FAM53B: variants seen among roughly 807,000 people sequenced by gnomAD.
FAM53B encodes the protein family with sequence similarity 53 member B.
Under a neutral mutation model 32.7 loss-of-function variants are expected in FAM53B, and 12 were observed. That is an observed-to-expected ratio of 0.37 (90% CI 0.24 to 0.59). The LOEUF is 0.59. Ranked by LOEUF, FAM53B falls within the 20% of genes least tolerant of loss-of-function variation. The pLI is 0.72. For synonymous variants in FAM53B, 234 were observed against 228.7 expected, an observed-to-expected ratio of 1.02 and a Z score of -0.21; for missense variants, 477 against 577.7, an observed-to-expected ratio of 0.83 and a Z score of 1.79.
chr10:124,623,518 G>C lies in FAM53B; in HGVS notation c.993C>G (p.Ser331Arg). ...GCAGGGCGGTCCAGGCCCTGGTGTTGCTGACGTGGCGGGCGAAGGGGCTCT... is the reference window on the plus strand; with the variant it reads ...GCAGGGCGGTCCAGGCCCTGGTGTTCCTGACGTGGCGGGCGAAGGGGCTCT... ...GPQSPFARHV[S>R]NTRAWTALLS... The change falls in exon 5 of 5, where the codon AGC becomes AGG. Residue 331 changes from serine (S) to arginine (R), a missense_variant. Transcript: ENST00000337318. 2 of 1,595,160 alleles carry C rather than the reference G, an allele frequency of 1.3e-6. No individual in the cohort carries two copies. Among genetic ancestry groups the C allele is most frequent in the East Asian group, 2.3e-5 (1 of 44,204 alleles).
rs1949311837 is a variant in FAM53B at position 124,621,702 on chromosome 10, G to A, written c.*1540C>T. The stretch of plus-strand genomic sequence containing the variant: ...AAGCATCTTTCTTGAGGAGAAAGAA[G>A]GTGAGAAGCATCTGGACTCAACCTG... On this transcript the variant is annotated 3_prime_UTR_variant, in exon 5 of 5. Transcript: ENST00000337318. The A allele has an allele frequency of 6.6e-6, 1 of 152,274 alleles. No individual in the cohort carries two copies. The highest frequency in any genetic ancestry group is 1.5e-5 in the Non-Finnish European group (1 of 68,042). 9.4% of individuals were successfully genotyped at this position (152,274 alleles called of 1,614,324 possible).
At chr10:124,659,000 T>C (rs1388692202) in intron 4 of FAM53B, among the ~76,000 whole-genome samples, 1 of 152,218 alleles carries the variant, frequency 6.6e-6, no homozygotes, top group African/African-American at 2.4e-5. Context: ...TCTGTGCTTC[T>C]GTGTCTGTGG....
chr10:124,743,725 G>C (rs1950213898), intron 1 of FAM53B, among the ~76,000 whole-genome samples: 1 of 151,844 alleles, frequency 6.6e-6, no homozygotes, highest in Non-Finnish European at 1.5e-5. Context: ...AGACTTTTCC[G>C]CCGCAGCCAG....
intron 4 of FAM53B, among the ~76,000 whole-genome samples, chr10:124,633,938 CAT>C (rs1310342114): frequency 6.6e-6 from 1 of 152,198 alleles, no homozygotes; most frequent in Non-Finnish European, 1.5e-5. Context: ...AAAACATTTA[CAT>C]GTCAAAAAAT....
At chr10:124,642,670 G>A (rs534363804) in intron 4 of FAM53B, among the ~76,000 whole-genome samples, 3 of 152,248 alleles carry the variant, frequency 2.0e-5, no homozygotes, top group African/African-American at 2.4e-5. Context: ...TGCAACTGCC[G>A]ATCACAGAAG....
chr10:124,714,509 C>T (rs952809578), intron 1 of FAM53B, among the ~76,000 whole-genome samples: 1 of 152,148 alleles, frequency 6.6e-6, no homozygotes, highest in Non-Finnish European at 1.5e-5. Context: ...GCCTGTAATC[C>T]CAGCACTTTG....
chr10:124,677,138 C>T (rs72842386), intron 4 of FAM53B, among the ~76,000 whole-genome samples: 15 of 152,166 alleles, frequency 9.9e-5, no homozygotes, highest in African/African-American at 3.1e-4. Flanking sequence ...TTAATTGTTG[C>T]TTTTTTCTGA....
chr10:124,628,630 CA>C (rs1416039686), intron 4 of FAM53B, among the ~76,000 whole-genome samples: 9 of 152,208 alleles, frequency 5.9e-5, no homozygotes, highest in Non-Finnish European at 1.2e-4. Flanking sequence ...CCTGGAGTCC[CA>C]AACCCACAGC....
chr10:124,722,063 G>A (rs1426047128), intron 1 of FAM53B, among the ~76,000 whole-genome samples: 4 of 152,194 alleles, frequency 2.6e-5, no homozygotes, highest in Admixed American at 1.3e-4. Flanking sequence ...AACAGGAAGA[G>A]ATTTGTTAAA....
intron 4 of FAM53B, among the ~76,000 whole-genome samples, chr10:124,670,931 T>A (rs776568735): frequency 3.3e-5 from 5 of 152,194 alleles, no homozygotes; most frequent in African/African-American, 4.8e-5. Context: ...CCCCAGGGCC[T>A]AGCTGAATGC....
intron 4 of FAM53B, among the ~76,000 whole-genome samples, chr10:124,624,271 C>T (rs530961190): frequency 6.6e-6 from 1 of 152,170 alleles, no homozygotes; most frequent in Non-Finnish European, 1.5e-5. Flanking sequence ...TAGAAGGGGC[C>T]GAGCTGAAGT....
chr10:124,628,076 G>A (rs1254203508), intron 4 of FAM53B, among the ~76,000 whole-genome samples: 1 of 152,198 alleles, frequency 6.6e-6, no homozygotes, highest in Non-Finnish European at 1.5e-5. Flanking sequence ...TCTCCCAGGT[G>A]CTGCTGTTCC....
At chr10:124,696,253 G>C in intron 2 of FAM53B, 41 bp from the exon 3 acceptor site, 3 of 1,575,264 alleles carry the variant, frequency 1.9e-6, no homozygotes, top group Non-Finnish European at 2.6e-6. Context: ...TCAAATCATA[G>C]GAAGCATGTT....
chr10:124,688,789 CA>C (rs1949816806), intron 3 of FAM53B, among the ~76,000 whole-genome samples: 1 of 152,186 alleles, frequency 6.6e-6, no homozygotes, highest in Admixed American at 6.5e-5. Context: ...CATTTGACCT[CA>C]AATGTTCTTA....
In FAM53B at chr10:124,694,567, C is replaced by T. The variant is rs774840840; in HGVS notation, c.133+1591G>A. Among the ~76,000 whole-genome samples, 6 of 152,312 alleles carry T rather than the reference C, an allele frequency of 3.9e-5. No individual in the cohort carries two copies. The East Asian group carries it at 5.8e-4, about 15-fold the overall frequency. ...CACAACCCAGTTTACTGGTCTGGCC[C>T]GGTTGACAGCTAAAGCCTAGGCAGG... is the stretch of plus-strand genomic sequence containing the variant. On this transcript the variant is annotated intron_variant, in intron 3 of 4. Transcript: ENST00000337318.
chr10:124,663,833 A>G (rs7099298), intron 4 of FAM53B, among the ~76,000 whole-genome samples: 139,285 of 151,930 alleles, frequency 0.92, 64,435 homozygotes, highest in East Asian at 0.98. Flanking sequence ...ACCCTCGGGC[A>G]TCTCCAGAGA....
intron 1 of FAM53B, among the ~76,000 whole-genome samples, chr10:124,714,517 T>G (rs908554344): frequency 1.3e-5 from 2 of 151,956 alleles, no homozygotes; most frequent in African/African-American, 4.8e-5. Flanking sequence ...TCCCAGCACT[T>G]TGGGAGGCTG....
chr10:124,730,660 T>A (rs540477198), intron 1 of FAM53B, among the ~76,000 whole-genome samples: 1 of 152,360 alleles, frequency 6.6e-6, no homozygotes, highest in South Asian at 2.1e-4. Flanking sequence ...GTTCTGGGTC[T>A]GTGCTGTCCA....
intron 4 of FAM53B, among the ~76,000 whole-genome samples, chr10:124,652,730 T>A (rs1304508885): frequency 6.6e-6 from 1 of 152,146 alleles, no homozygotes; most frequent in Non-Finnish European, 1.5e-5. Context: ...GCATTCCCCA[T>A]CTGTCCTATA....
Sources: allele counts gnomAD v4.1 joint callset (sites outside exome capture counted in the v4.1 genomes callset), GRCh38; gene constraint gnomAD v4.1.1; transcripts MANE v1.5; gene names NCBI Gene and HGNC (gene_info 2026-07-23, HGNC 2026-07-21).